Variants in ANKFN1 observed in about 807,000 individuals in gnomAD.
ANKFN1 encodes ankyrin repeat and fibronectin type-III domain-containing protein 1.
Under a neutral mutation model 108.7 loss-of-function variants are expected in ANKFN1, and 74 were observed. The ratio of observed to expected loss-of-function variants is 0.68; its 90% CI spans 0.56 to 0.83. The LOEUF (loss-of-function observed/expected upper bound fraction) is 0.83, where lower values mean the gene tolerates loss of function less well. ANKFN1 is among the 40% of genes least tolerant of loss of function. ANKFN1 has a pLI of 0.00. For synonymous variants in ANKFN1, 547 were observed against 516.2 expected (o/e 1.06, Z -0.81); for missense variants, 1,505 against 1,382.3 (o/e 1.09, Z -1.41).
At chr17:56,368,139 T>C (rs2046708125) in intron 6 of ANKFN1, 3 of 1,322,706 alleles carry the variant, frequency 2.3e-6, no homozygotes, top group Non-Finnish European at 3.0e-6. Flanking sequence ...TCACTATAAA[T>C]ATTCTGACAC....
intron 1 of ANKFN1, among the ~76,000 whole-genome samples, chr17:56,210,061 C>CATACATAG (rs1914859160): frequency 6.8e-6 from 1 of 148,002 alleles, no homozygotes; most frequent in Non-Finnish European, 1.5e-5. Flanking sequence ...TAGATAGATA[C>CATACATAG]ATAGATAGAT....
intron 20 of ANKFN1, among the ~76,000 whole-genome samples, chr17:56,506,377 GAC>G (rs1355235437): frequency 6.6e-6 from 1 of 152,092 alleles, no homozygotes; most frequent in Non-Finnish European, 1.5e-5. Context: ...CCTTATAAGA[GAC>G]AGAAAAGAAG....
chr17:56,424,853 G>T (rs1402813406), intron 8 of ANKFN1, among the ~76,000 whole-genome samples: 2 of 152,112 alleles, frequency 1.3e-5, no homozygotes. Flanking sequence ...AAGGATGAAA[G>T]CATCCCCAAA....
chr17:56,296,937 G>C (rs987069063), intron 3 of ANKFN1, among the ~76,000 whole-genome samples: 4 of 152,188 alleles, frequency 2.6e-5, no homozygotes, highest in South Asian at 2.1e-4. Context: ...GCAACACTTG[G>C]TCTCCTTGTT....
intron 3 of ANKFN1, among the ~76,000 whole-genome samples, chr17:56,277,027 T>C (rs1445270261): frequency 6.6e-6 from 1 of 152,200 alleles, no homozygotes; most frequent in Non-Finnish European, 1.5e-5. Flanking sequence ...ATGGTAGTAG[T>C]GTTTATGGGT....
chr17:56,170,807 T>TATATATACACACACACACACACACAC (rs1361307404), intron 1 of ANKFN1, among the ~76,000 whole-genome samples: 6 of 61,454 alleles, frequency 9.8e-5, no homozygotes, highest in Admixed American at 4.2e-4. Context: ...TATATATATA[T>TATATATACACACACACACACACACAC]ACACACACAC....
intron 3 of ANKFN1, among the ~76,000 whole-genome samples, chr17:56,248,277 C>A (rs2043161043): frequency 6.6e-6 from 1 of 152,146 alleles, no homozygotes; most frequent in Admixed American, 6.5e-5. Flanking sequence ...TATGAGAAGC[C>A]TTGGTGCATG....
chr17:56,120,514 A>G (rs966319187), intron 4 of ANKFN1, among the ~76,000 whole-genome samples: 1 of 152,204 alleles, frequency 6.6e-6, no homozygotes, highest in African/African-American at 2.4e-5. Flanking sequence ...GGAATATGCC[A>G]TGCCTAATGG....
rs2051850531 is a variant in ANKFN1, at chr17:56,514,187, CA to C, written c.*2919del. ...TCCAGGGTTTTCTAACATGCTTGAT[CA>C]GCTTTCATCATTTGTGAAAATCCTC... On this transcript the variant is annotated 3_prime_UTR_variant, in exon 21 of 21. Coordinates refer to ENST00000682825, the MANE Select transcript of ANKFN1 (RefSeq NM_001370326.1). Among the ~76,000 whole-genome samples the C allele has an allele frequency of 6.6e-6, 1 of 152,090 alleles. No individual in the cohort carries two copies. Among genetic ancestry groups the C allele is most frequent in the South Asian group, 2.1e-4 (1 of 4,826 alleles).
At chr17:56,055,549 T>A (rs909360682) in intron 4 of ANKFN1, among the ~76,000 whole-genome samples, 25 of 65,006 alleles carry the variant, frequency 3.8e-4, no homozygotes, top group African/African-American at 1.9e-3. Flanking sequence ...GGTATATGTG[T>A]GTGTGTGGTA....
intron 6 of ANKFN1, among the ~76,000 whole-genome samples, chr17:56,359,652 C>A (rs182887792): frequency 5.9e-5 from 9 of 152,262 alleles, no homozygotes; most frequent in African/African-American, 2.2e-4. Flanking sequence ...GTGCAGACAC[C>A]AGTGTTACAA....
intron 6 of ANKFN1, among the ~76,000 whole-genome samples, chr17:56,365,906 T>C (rs115702014): frequency 1.3e-3 from 202 of 152,306 alleles, no homozygotes; most frequent in African/African-American, 4.7e-3. Flanking sequence ...TTATCATTAT[T>C]TTAGACTGCA....
chr17:56,455,603 A>G (rs920694893), intron 11 of ANKFN1, among the ~76,000 whole-genome samples: 1 of 152,222 alleles, frequency 6.6e-6, no homozygotes, highest in Non-Finnish European at 1.5e-5. Flanking sequence ...TGGTGATACC[A>G]ACAACCTCAT....
intron 3 of ANKFN1, among the ~76,000 whole-genome samples, chr17:56,315,765 G>T (rs2045186680): frequency 1.3e-5 from 2 of 152,280 alleles, no homozygotes; most frequent in Middle Eastern, 6.8e-3. Context: ...TTTCATAGGA[G>T]TTCAGAGTCT....
chr17:56,388,986 C>T (rs1453844877), intron 8 of ANKFN1, among the ~76,000 whole-genome samples: 1 of 148,504 alleles, frequency 6.7e-6, no homozygotes, highest in Non-Finnish European at 1.5e-5. Flanking sequence ...TACAGCCACT[C>T]TGGAAAACTG....
intron 8 of ANKFN1, among the ~76,000 whole-genome samples, chr17:56,399,843 T>A (rs7221128): frequency 0.016 from 1,006 of 64,828 alleles, 18 homozygotes; most frequent in Non-Finnish European, 0.025. Context: ...ATTCCATTTT[T>A]TATATATATA....
At chr17:56,124,879 G>T (rs978732158) in intron 4 of ANKFN1, among the ~76,000 whole-genome samples, 2 of 152,116 alleles carry the variant, frequency 1.3e-5, no homozygotes, top group African/African-American at 4.8e-5. Context: ...CCTGGTCTCC[G>T]TGTGACCTCC....
intron 20 of ANKFN1, among the ~76,000 whole-genome samples, chr17:56,504,882 A>G (rs909918556): frequency 6.9e-6 from 1 of 144,318 alleles, no homozygotes; most frequent in African/African-American, 2.6e-5. Context: ...CAGGTTGGCC[A>G]GGCTGGTCTC....
chr17:56,422,311 C>G (rs1365931686), intron 8 of ANKFN1, among the ~76,000 whole-genome samples: 1 of 152,000 alleles, frequency 6.6e-6, no homozygotes, highest in African/African-American at 2.4e-5. Context: ...ATTGATTTTC[C>G]TAGCCTTATT....
Sources: allele counts gnomAD v4.1 joint callset (sites outside exome capture counted in the v4.1 genomes callset), GRCh38; gene constraint gnomAD v4.1.1; transcripts MANE v1.5; gene names NCBI Gene and HGNC (gene_info 2026-07-23, HGNC 2026-07-21).